Variants in USP46 observed in about 807,000 individuals in gnomAD.
USP46 encodes the protein ubiquitin carboxyl-terminal hydrolase 46.
USP46 carries 12 observed loss-of-function variants against 44.4 expected under a neutral mutation model. That is an observed-to-expected ratio of 0.27 (90% CI 0.17 to 0.44). USP46 has a LOEUF of 0.44. USP46 is among the 20% of genes least tolerant of loss of function. USP46 has a pLI of 1.00. For synonymous variants in USP46, 155 were observed against 161.5 expected, an observed-to-expected ratio of 0.96 and a Z score of 0.31; for missense variants, 248 against 444.8, an observed-to-expected ratio of 0.56 and a Z score of 3.98.
At position 52,593,028 on chromosome 4, in the gene USP46, G is replaced by T; in HGVS notation, c.*4612C>A. On this transcript the variant is annotated 3_prime_UTR_variant, in exon 9 of 9. Coordinates refer to ENST00000441222, the MANE Select transcript of USP46 (RefSeq NM_022832.4). ...AATTAAACCTCTTTTCTTCAGAAAT[G>T]ACCCACGCTCAGGTATGTCTTTATA... is the stretch of plus-strand genomic sequence containing the variant. 2.5e-6 allele frequency: 1 copy of T among 398,034 alleles called. No homozygotes were observed. The highest frequency in any genetic ancestry group is 1.3e-4 in the South Asian group (1 of 7,618). The allele number at this position is 398,034 out of a possible 1,614,324, so 24.7% of individuals were successfully genotyped here.
chr4:52,638,837 G>T (rs149580329), intron 1 of USP46, among the ~76,000 whole-genome samples: 1 of 151,900 alleles, frequency 6.6e-6, no homozygotes, highest in Non-Finnish European at 1.5e-5. Flanking sequence ...CCATGTGCAT[G>T]ATAATTTGGA....
At chr4:52,599,889 T>C (rs1716393329) in intron 7 of USP46, among the ~76,000 whole-genome samples, 1 of 152,088 alleles carries the variant, frequency 6.6e-6, no homozygotes, top group African/African-American at 2.4e-5. Context: ...CCCTTCATAT[T>C]ATGGGCCTTT....
chr4:52,635,824 T>G (rs1277736825), intron 1 of USP46, among the ~76,000 whole-genome samples: 2 of 152,180 alleles, frequency 1.3e-5, no homozygotes, highest in East Asian at 1.9e-4. Flanking sequence ...GAAACATTTA[T>G]GGATGAATCA....
At chr4:52,627,032 A>G (rs537804805) in intron 3 of USP46, among the ~76,000 whole-genome samples, 1 of 152,322 alleles carries the variant, frequency 6.6e-6, no homozygotes, top group Non-Finnish European at 1.5e-5. Flanking sequence ...GTGAGCAAGC[A>G]TCTATCTGAT....
At chr4:52,648,891 T>C (rs1434647841) in intron 1 of USP46, among the ~76,000 whole-genome samples, 1 of 152,310 alleles carries the variant, frequency 6.6e-6, no homozygotes, top group South Asian at 2.1e-4. Flanking sequence ...TATTTTATAA[T>C]TACTCTGAGC....
In USP46 at chr4:52,628,095, A is replaced by G. The variant is rs756454717; in HGVS notation, c.186T>C (p.Asn62=). ...TTTGCTGGGCCTTGTATGCCAACACATTCTCCCGGAATGGACGGCAGAAGT... is the reference window on the plus strand; with the variant it reads ...TTTGCTGGGCCTTGTATGCCAACACGTTCTCCCGGAATGGACGGCAGAAGT... ...ALYFCRPFRE[N]VLAYKAQQKK... is the part of the protein sequence containing the mutation. The change falls in exon 3 of 9, where the codon AAT becomes AAC. Residue 62 remains asparagine, a synonymous_variant. Transcript: ENST00000441222. 1 of 1,613,950 alleles carries G rather than the reference A, an allele frequency of 6.2e-7. No individual in the cohort carries two copies. The highest frequency in any genetic ancestry group is 1.7e-5 in the Admixed American group (1 of 60,004).
chr4:52,597,504 TC>T lies in USP46; in HGVS notation c.*135del. On this transcript the variant is annotated 3_prime_UTR_variant, in exon 9 of 9. Transcript: ENST00000441222. The stretch of plus-strand genomic sequence containing the variant: ...CATGTAAAAACACAAAAGGAGAGAG[TC>T]TAACACAGCCAGACCATTGAGACTC... The T allele has an allele frequency of 1.5e-6, 1 of 647,926 alleles. No individual in the cohort carries two copies. Among genetic ancestry groups the T allele is most frequent in the Non-Finnish European group, 2.7e-6 (1 of 366,916 alleles). 40.1% of individuals were successfully genotyped at this position (647,926 alleles called of 1,614,324 possible). A position where few individuals can be genotyped will look rare whatever the true frequency, so the allele number is the denominator to read the frequency against.
rs142419084 is a variant in USP46, at chr4:52,606,481, G to A, written c.639-1897C>T. Among the ~76,000 whole-genome samples the A allele has an allele frequency of 2.0e-5, 3 of 152,338 alleles. No homozygotes were observed. The East Asian group carries it at 5.8e-4, about 29-fold the overall frequency. Reference sequence around the variant, plus strand: ...ATGTCTTACATGGCAGCAGACAAGAGACAGCAGGTGCAGGGGAACTCCCAT... The same window carrying A: ...ATGTCTTACATGGCAGCAGACAAGAAACAGCAGGTGCAGGGGAACTCCCAT... On this transcript the variant is annotated intron_variant, in intron 5 of 8. Coordinates refer to ENST00000441222, the MANE Select transcript of USP46 (RefSeq NM_022832.4).
At chr4:52,653,754 C>A (rs1176224526) in intron 1 of USP46, among the ~76,000 whole-genome samples, 1 of 151,976 alleles carries the variant, frequency 6.6e-6, no homozygotes, top group Non-Finnish European at 1.5e-5. Flanking sequence ...TAGGTGGTTA[C>A]CAAATACCTT....
At chr4:52,616,424 G>A (rs1229721692) in intron 4 of USP46, among the ~76,000 whole-genome samples, 1 of 151,824 alleles carries the variant, frequency 6.6e-6, no homozygotes, top group South Asian at 2.1e-4. Context: ...TCAGGCTGGA[G>A]TGCAGTGGTG....
At chr4:52,611,296 C>T (rs1716925092) in intron 4 of USP46, among the ~76,000 whole-genome samples, 1 of 152,200 alleles carries the variant, frequency 6.6e-6, no homozygotes, top group Non-Finnish European at 1.5e-5. Flanking sequence ...TTCGGTGGCC[C>T]CAGCTGTCTC....
At position 52,595,856 on chromosome 4, in the gene USP46, C is replaced by T. The variant is rs1168675970; in HGVS notation, c.*1784G>A. ...TCACCTTCAGTTGGAAAGTGCCTCT[C>T]CTTAAAAAGAGATCAAAACTCACCT... On this transcript the variant is annotated 3_prime_UTR_variant, in exon 9 of 9. Coordinates refer to ENST00000441222, the MANE Select transcript of USP46 (RefSeq NM_022832.4). The T allele has an allele frequency of 2.0e-5, 3 of 152,338 alleles. No individual in the cohort carries two copies. The highest frequency in any genetic ancestry group is 4.4e-5 in the Non-Finnish European group (3 of 68,026). The allele number at this position is 152,338 out of a possible 1,614,324, so 9.4% of individuals were successfully genotyped here. A position where few individuals can be genotyped will look rare whatever the true frequency, so the allele number is the denominator to read the frequency against.
At position 52,597,536 on chromosome 4, in the gene USP46, G is replaced by C; in HGVS notation, c.*104C>G. The C allele has an allele frequency of 1.3e-6, 1 of 744,762 alleles. No individual in the cohort carries two copies. The highest frequency in any genetic ancestry group is 1.6e-5 in the South Asian group (1 of 61,558). 46.1% of individuals were successfully genotyped at this position (744,762 alleles called of 1,614,324 possible). On this transcript the variant is annotated 3_prime_UTR_variant, in exon 9 of 9. Coordinates refer to ENST00000441222, the MANE Select transcript of USP46 (RefSeq NM_022832.4). ...CAGCCAGACCATTGAGACTCGGAGTGATACCATTAGTGGGCCACTGGGGAA... is the reference window on the plus strand; with the variant it reads ...CAGCCAGACCATTGAGACTCGGAGTCATACCATTAGTGGGCCACTGGGGAA...
rs1716123778 is a variant in USP46 at position 52,593,884 on chromosome 4, T to C, written c.*3756A>G. 1 of 152,270 alleles carries C rather than the reference T, an allele frequency of 6.6e-6. No homozygotes were observed. The allele number at this position is 152,270 out of a possible 1,614,324, so 9.4% of individuals were successfully genotyped here. A position where few individuals can be genotyped will look rare whatever the true frequency, so the allele number is the denominator to read the frequency against. On this transcript the variant is annotated 3_prime_UTR_variant, in exon 9 of 9. Transcript: ENST00000441222. ...ACTATCCCTAAATTCTTTTCACTGA[T>C]ATTCTCAATTTGCTATTCTCCAGAT...
intron 1 of USP46, among the ~76,000 whole-genome samples, chr4:52,638,608 T>C (rs1302493917): frequency 6.7e-6 from 1 of 148,484 alleles, no homozygotes; most frequent in Non-Finnish European, 1.5e-5. Flanking sequence ...ATCTGTCCAA[T>C]GCCCTAAATT....
chr4:52,620,025 G>A (rs956304843), intron 4 of USP46, among the ~76,000 whole-genome samples: 1 of 152,140 alleles, frequency 6.6e-6, no homozygotes. Context: ...AGTATAAACA[G>A]CTGGAATCCC....
chr4:52,602,162 A>G, intron 6 of USP46, 108 bp from the exon 7 acceptor site: 1 of 1,251,256 alleles, frequency 8.0e-7, no homozygotes, highest in Middle Eastern at 2.1e-4. Flanking sequence ...TCCAACTTCA[A>G]ACCAGCAAAC....
intron 7 of USP46, among the ~76,000 whole-genome samples, chr4:52,600,239 A>G (rs1388494260): frequency 1.3e-5 from 2 of 152,012 alleles, no homozygotes; most frequent in African/African-American, 2.4e-5. Flanking sequence ...TCCAGAATAT[A>G]TGAGCTTAAA....
intron 4 of USP46, among the ~76,000 whole-genome samples, chr4:52,616,476 G>A (rs1161407663): frequency 6.6e-6 from 1 of 152,200 alleles, no homozygotes; most frequent in Non-Finnish European, 1.5e-5. Flanking sequence ...GAGTTCAAGT[G>A]ATTCTTGTGC....
Sources: allele counts gnomAD v4.1 joint callset (sites outside exome capture counted in the v4.1 genomes callset), GRCh38; gene constraint gnomAD v4.1.1; transcripts MANE v1.5; gene names NCBI Gene and HGNC (gene_info 2026-07-23, HGNC 2026-07-21).